Variants in CPS1 observed in about 807,000 individuals in gnomAD.
The protein encoded by CPS1 is carbamoyl-phosphate synthase [ammonia], mitochondrial.
Under a neutral mutation model 174.6 loss-of-function variants are expected in CPS1, and 109 were observed. The ratio of observed to expected loss-of-function variants is 0.62; its 90% CI spans 0.53 to 0.73. The LOEUF (loss-of-function observed/expected upper bound fraction) is 0.73, where lower values mean the gene tolerates loss of function less well. Ranked by LOEUF, CPS1 falls within the 30% of genes least tolerant of loss-of-function variation. The probability of loss-of-function intolerance (pLI) is 0.00; values close to 1 mark genes in which losing one functional copy is unlikely to be tolerated. For missense variants in CPS1, 1,689 were observed against 1,821.9 expected, an observed-to-expected ratio of 0.93 and a Z score of 1.33; for synonymous variants, 637 against 632.0, an observed-to-expected ratio of 1.01 and a Z score of -0.12.
intron 22 of CPS1, among the ~76,000 whole-genome samples, chr2:210,638,232 G>A (rs1166816118): frequency 2.0e-5 from 3 of 152,114 alleles, no homozygotes; most frequent in Non-Finnish European, 4.4e-5. Flanking sequence ...GAAAATAATA[G>A]TTATCTCCTT....
intron 1 of CPS1, among the ~76,000 whole-genome samples, chr2:210,572,089 G>A (rs1274559006): frequency 1.3e-5 from 2 of 151,878 alleles, no homozygotes; most frequent in East Asian, 1.9e-4. Flanking sequence ...CAGGAAATTC[G>A]ACTCATGGCC....
chr2:210,592,037 C>T (rs1698321387), intron 10 of CPS1, 68 bp downstream of exon 10: 5 of 1,503,492 alleles, frequency 3.3e-6, no homozygotes, highest in Non-Finnish European at 9.0e-7. Flanking sequence ...ATAATTGATA[C>T]ATAAGCATTG....
intron 32 of CPS1, 78 bp downstream of exon 32, chr2:210,660,733 G>A (rs768831558): frequency 7.1e-6 from 10 of 1,417,076 alleles, no homozygotes; most frequent in Admixed American, 3.5e-5. Context: ...CAAAAATCTT[G>A]TTACTTTTAA....
In CPS1 at chr2:210,597,263, T is replaced by A. The variant is rs143645928; in HGVS notation, c.1359+1681T>A. 1.0e-3 allele frequency among the ~76,000 whole-genome samples: 154 copies of A among 152,012 alleles called. 2 individuals carry two copies. The highest frequency in any genetic ancestry group is 6.6e-4 in the Non-Finnish European group (45 of 67,864). The stretch of plus-strand genomic sequence containing the variant: ...ATTTGCTTACCTGTTTGTATCTTCC[T>A]GACATTTTGTTAATAATATTACTCT... On this transcript the variant is annotated intron_variant, in intron 13 of 37. Transcript: ENST00000233072.
intron 20 of CPS1, among the ~76,000 whole-genome samples, chr2:210,612,785 G>A (rs1699173575): frequency 6.6e-6 from 1 of 151,792 alleles, no homozygotes; most frequent in African/African-American, 2.4e-5. Flanking sequence ...GACTATAAAG[G>A]CCCACATGAT....
upstream of CPS1, chr2:210,556,368 G>A (rs545337486): frequency 4.2e-5 from 20 of 470,966 alleles, no homozygotes; most frequent in East Asian, 2.0e-4. Context: ...TTTAGGATAA[G>A]GTTGTCCATG....
intron 1 of CPS1, among the ~76,000 whole-genome samples, chr2:210,512,736 TTATATATATATATATA>T (rs71043996): frequency 0.051 from 2,395 of 46,680 alleles, 162 homozygotes; most frequent in South Asian, 0.13. Flanking sequence ...TCCAGTAGTT[TTATATATATATATATA>T]TATATATATA....
intron 22 of CPS1, 38 bp from the exon 23 acceptor site, chr2:210,639,112 C>T: frequency 1.3e-6 from 2 of 1,528,338 alleles, no homozygotes; most frequent in Non-Finnish European, 1.8e-6. Context: ...ATTATAATAA[C>T]ATTCTTATTT....
intron 12 of CPS1, among the ~76,000 whole-genome samples, chr2:210,594,988 A>G (rs1303477461): frequency 6.6e-6 from 1 of 151,930 alleles, no homozygotes; most frequent in Non-Finnish European, 1.5e-5. Flanking sequence ...AACTAGAATA[A>G]CTGTTATTCA....
At chr2:210,504,145 G>C (rs1425309299) in intron 1 of CPS1, among the ~76,000 whole-genome samples, 1 of 152,056 alleles carries the variant, frequency 6.6e-6, no homozygotes, top group Non-Finnish European at 1.5e-5. Flanking sequence ...TTTTCCCTGA[G>C]TGACATATAC....
rs1376045381 is a variant in CPS1, at chr2:210,632,412, ACTGT to A, written c.2688-5287_2688-5284del. Among the ~76,000 whole-genome samples, 17 of 152,288 alleles carry A rather than the reference ACTGT, an allele frequency of 1.1e-4. 1 individual carries two copies. The highest frequency in any genetic ancestry group is 3.4e-4 in the African/African-American group (14 of 41,554). ...CACAACTAATGAATTGTGTCTTTGA[ACTGT>A]CTTTTTTTTTCTTTGATTATAATGG... On this transcript the variant is annotated intron_variant, in intron 21 of 37. Transcript: ENST00000233072.
chr2:210,676,956 C>T, intron 36 of CPS1, 51 bp from the exon 37 acceptor site: 1 of 1,571,094 alleles, frequency 6.4e-7, no homozygotes, highest in Non-Finnish European at 8.8e-7. Flanking sequence ...ATTTTATAAA[C>T]TAACTATAAA....
At chr2:210,640,178 A>C in intron 24 of CPS1, 119 bp downstream of exon 24, 1 of 720,026 alleles carries the variant, frequency 1.4e-6, no homozygotes, top group East Asian at 2.7e-5. Flanking sequence ...TATGTTTTGC[A>C]AATTAGGAAG....
chr2:210,482,507 T>C (rs532018832), intron 1 of CPS1, among the ~76,000 whole-genome samples: 1 of 152,190 alleles, frequency 6.6e-6, no homozygotes, highest in East Asian at 1.9e-4. Context: ...TTTCACCATG[T>C]ACCCCAGGCT....
upstream of CPS1, among the ~76,000 whole-genome samples, chr2:210,553,199 G>T (rs995034816): frequency 6.6e-6 from 1 of 151,402 alleles, no homozygotes; most frequent in Non-Finnish European, 1.5e-5. Flanking sequence ...CAAGTCAATG[G>T]CAATTTTCAA....
rs1574678971 is a variant in CPS1 at position 210,675,805 on chromosome 2, A to G, written c.4239A>G (p.Gln1413=). 6.3e-7 allele frequency: 1 copy of G among 1,592,852 alleles called. No homozygotes were observed. The highest frequency in any genetic ancestry group is 8.6e-7 in the Non-Finnish European group (1 of 1,160,552). ...CCACCCCAGTGGCATGGCCGTCTCA[A>G]GAAGGACAGAATCCCAGCCTCTCTT... The part of the protein sequence containing the change: ...VPATPVAWPS[Q]EGQNPSLSSI... Residue 1413 remains glutamine (Q), a synonymous_variant, in exon 36 of 38, where the codon CAA becomes CAG. Coordinates refer to ENST00000233072, the MANE Select transcript of CPS1 (RefSeq NM_001875.5).
At chr2:210,568,369 C>T (rs191952834) in intron 1 of CPS1, among the ~76,000 whole-genome samples, 64 of 152,076 alleles carry the variant, frequency 4.2e-4, no homozygotes, top group African/African-American at 1.3e-3. Context: ...GGAATGGTGT[C>T]ACCCAATTAA....
At chr2:210,625,015 C>T (rs1302093673) in intron 21 of CPS1, among the ~76,000 whole-genome samples, 1 of 151,872 alleles carries the variant, frequency 6.6e-6, no homozygotes, top group African/African-American at 2.4e-5. Flanking sequence ...CTGAACTAAG[C>T]GTGATGGGAT....
intron 1 of CPS1, among the ~76,000 whole-genome samples, chr2:210,520,361 T>C (rs968561386): frequency 2.0e-5 from 3 of 152,162 alleles, no homozygotes; most frequent in South Asian, 4.1e-4. Context: ...GTTTGTTACA[T>C]AGGTATATAT....
Sources: allele counts gnomAD v4.1 joint callset (sites outside exome capture counted in the v4.1 genomes callset), GRCh38; gene constraint gnomAD v4.1.1; transcripts MANE v1.5; gene names NCBI Gene and HGNC (gene_info 2026-07-23, HGNC 2026-07-21).